FANCM: variants seen among roughly 807,000 people sequenced by gnomAD.
FANCM encodes FA complementation group M.
In FANCM, 140 loss-of-function variants were observed where a neutral mutation model predicts 199.5. That is an observed-to-expected ratio of 0.70 (90% confidence interval 0.61 to 0.81). The LOEUF is 0.81. Ranked by LOEUF, FANCM falls within the 30% of genes least tolerant of loss-of-function variation. The pLI is 0.00. For missense variants in FANCM, 2,410 were observed against 2,421.4 expected (o/e 1.00, Z 0.10); for synonymous variants, 840 against 836.8 (o/e 1.00, Z -0.07).
chr14:45,171,255 C>T (rs987359332), intron 12 of FANCM, among the ~76,000 whole-genome samples: 2 of 151,796 alleles, frequency 1.3e-5, no homozygotes, highest in Admixed American at 1.3e-4. Context: ...TATAAGTGTA[C>T]ACCACTGCAT....
chr14:45,164,624 GGTGAATATCAACAT>G (rs1187655550), intron 10 of FANCM, 59 bp downstream of exon 10: 27 of 1,277,294 alleles, frequency 2.1e-5, no homozygotes, highest in Middle Eastern at 2.5e-4. Context: ...ACAGCCCAAA[GGTGAATATCAACAT>G]GTTAGCATTC....
chr14:45,182,256 A>G (rs1889119743), intron 16 of FANCM, among the ~76,000 whole-genome samples: 1 of 152,220 alleles, frequency 6.6e-6, no homozygotes. Flanking sequence ...TGTTTACAGA[A>G]TAACAGCCTA....
intron 9 of FANCM, among the ~76,000 whole-genome samples, chr14:45,161,235 T>A (rs1056219676): frequency 1.3e-5 from 2 of 152,208 alleles, no homozygotes; most frequent in African/African-American, 4.8e-5. Flanking sequence ...AAGTAAAAAC[T>A]TTTTTTATTA....
intron 4 of FANCM, among the ~76,000 whole-genome samples, chr14:45,149,386 C>T (rs746182809): frequency 6.6e-6 from 1 of 152,074 alleles, no homozygotes. Flanking sequence ...AACATGAACA[C>T]GTACTGAGAT....
chr14:45,175,227 A>C lies in FANCM; in HGVS notation c.2473A>C (p.Ser825Arg), dbSNP rs547223696. The C allele has an allele frequency of 2.4e-5, 38 of 1,611,608 alleles. No individual in the cohort carries two copies. The Admixed American group carries it at 6.4e-4, about 27-fold the overall frequency. ...SSFIKNINQG[S>R]SSSVIESDEE... ...ATTTATAAAGAACATAAATCAAGGCAGTTCATCCTCAGTGATAGAATCTGA... is the reference window on the plus strand; with the variant it reads ...ATTTATAAAGAACATAAATCAAGGCCGTTCATCCTCAGTGATAGAATCTGA... Residue 825 changes from serine (S) to arginine (R), a missense_variant, in exon 14 of 23, where the codon AGT becomes CGT. By Grantham distance (110) the Ser-to-Arg change is moderately radical. Transcript: ENST00000267430.
At chr14:45,137,699 G>T (rs1273382626) in intron 2 of FANCM, 1 of 173,092 alleles carries the variant, frequency 5.8e-6, no homozygotes, top group Non-Finnish European at 1.3e-5. Flanking sequence ...AAAATAAGAT[G>T]AAGTAGTGGG....
intron 3 of FANCM, among the ~76,000 whole-genome samples, chr14:45,142,159 C>T (rs1886014701): frequency 6.6e-6 from 1 of 152,064 alleles, no homozygotes; most frequent in Non-Finnish European, 1.5e-5. Context: ...ATTAGCATTG[C>T]TATACCAGTA....
rs748765975 is a variant in FANCM at position 45,175,944 on chromosome 14, A to C, written c.3190A>C (p.Ser1064Arg). The stretch of plus-strand genomic sequence containing the variant: ...ATGTATAAATTATCCATCTGAAAAA[A>C]GTTGCCTTTATGATATACCTAATGA... The part of the protein sequence containing the change: ...LKCINYPSEK[S>R]CLYDIPNDNI... The change falls in exon 14 of 23, where the codon AGT becomes CGT. Residue 1064 changes from serine (S) to arginine (R), a missense_variant. Coordinates refer to ENST00000267430, the MANE Select transcript of FANCM (RefSeq NM_020937.4). The C allele has an allele frequency of 1.2e-6, 2 of 1,613,452 alleles. No individual in the cohort carries two copies. Among genetic ancestry groups the C allele is most frequent in the Non-Finnish European group, 8.5e-7 (1 of 1,179,546 alleles).
intron 3 of FANCM, among the ~76,000 whole-genome samples, chr14:45,146,832 CAA>C (rs762253487): frequency 0.013 from 551 of 42,094 alleles, 1 homozygote; most frequent in Middle Eastern, 0.022. Flanking sequence ...GACTCTGTCT[CAA>C]AAAAAAAAAA....
intron 2 of FANCM, 85 bp from the exon 3 acceptor site, chr14:45,140,547 G>A: frequency 2.6e-6 from 2 of 766,832 alleles, no homozygotes; most frequent in Admixed American, 1.8e-5. Flanking sequence ...TAATGATAAG[G>A]GACCATGTAT....
In FANCM at chr14:45,175,512, C is replaced by T. The variant is rs750238406; in HGVS notation, c.2758C>T (p.Pro920Ser). 1.4e-5 allele frequency: 23 copies of T among 1,612,562 alleles called. No individual in the cohort carries two copies. The highest frequency in any genetic ancestry group is 1.2e-4 in the Admixed American group (7 of 59,954). Reference protein sequence around the residue: ...CTINENVIKEPCVLLTECQFT... With the variant: ...CTINENVIKESCVLLTECQFT... ...TATTAATGAAAATGTTATTAAAGAA[C>T]CGTGTGTGTTATTAACAGAGTGTCA... The change falls in exon 14 of 23, where the codon CCG (proline) becomes TCG (serine). Residue 920 changes from proline to serine, a missense_variant. By Grantham distance (74) the Pro-to-Ser change is moderately conservative. Coordinates refer to ENST00000267430, the MANE Select transcript of FANCM (RefSeq NM_020937.4).
chr14:45,142,514 G>T (rs1413542241), intron 3 of FANCM, among the ~76,000 whole-genome samples: 10 of 151,764 alleles, frequency 6.6e-5, no homozygotes, highest in Admixed American at 6.6e-4. Context: ...CACTATGTTG[G>T]CCAGGCTGGT....
chr14:45,174,432 A>G (rs1214496330), intron 13 of FANCM, among the ~76,000 whole-genome samples: 2 of 151,888 alleles, frequency 1.3e-5, no homozygotes, highest in African/African-American at 4.8e-5. Context: ...GCTTAAGTCT[A>G]TAAGTAGTAG....
chr14:45,161,369 G>A (rs562921490), intron 9 of FANCM, among the ~76,000 whole-genome samples: 15 of 152,292 alleles, frequency 9.8e-5, no homozygotes, highest in African/African-American at 3.6e-4. Context: ...GGGGGGGCCA[G>A]ATCCTTTAGG....
Position 45,176,838 on chromosome 14 carries a change from G to T in FANCM, c.4084G>T (p.Asp1362Tyr). Residue 1362 changes from aspartate (D) to tyrosine (Y), a missense_variant, in exon 14 of 23, where the codon GAT (aspartate) becomes TAT (tyrosine). Asp to Tyr is a radical substitution (Grantham distance 160). Transcript: ENST00000267430. Reference sequence around the variant, plus strand: ...AAGAAAGGAAATACTTAAGACACCAGATTCTAGTAAGGAAAAAGTAAACCT... The same window carrying T: ...AAGAAAGGAAATACTTAAGACACCATATTCTAGTAAGGAAAAAGTAAACCT... ...KIRKEILKTP[D>Y]SSKEKVNLQR... 6.2e-7 allele frequency: 1 copy of T among 1,607,218 alleles called. No individual in the cohort carries two copies. The highest frequency in any genetic ancestry group is 8.5e-7 in the Non-Finnish European group (1 of 1,176,044).
chr14:45,177,095 G>A (rs1158475830), intron 14 of FANCM, 119 bp downstream of exon 14: 2 of 650,682 alleles, frequency 3.1e-6, no homozygotes, highest in Non-Finnish European at 5.4e-6. Flanking sequence ...TATTGAATTA[G>A]ATAATTGATG....
chr14:45,179,603 C>T (rs1201615133), intron 14 of FANCM, among the ~76,000 whole-genome samples: 3 of 149,320 alleles, frequency 2.0e-5, no homozygotes, highest in African/African-American at 7.4e-5. Context: ...ACTCTGTCAC[C>T]CAGGCTGGAG....
chr14:45,185,226 A>G lies in FANCM; in HGVS notation c.4525A>G (p.Arg1509Gly), dbSNP rs1260789761. ...AATTTGTCTTACTTAGCATGTAGCT[A>G]GGAAGTTTTTAGATGATGAAGCAGA... ...KRQSHLKHVA[R>G]KFLDDEAELS... The change falls in exon 18 of 23, where the codon AGG (arginine) becomes GGG (glycine). Residue 1509 changes from arginine to glycine, a missense_variant. By Grantham distance (125) the Arg-to-Gly change is moderately radical (BLOSUM62 -2). Coordinates refer to ENST00000267430, the MANE Select transcript of FANCM (RefSeq NM_020937.4). 1.9e-6 allele frequency: 3 copies of G among 1,594,514 alleles called. No homozygotes were observed. The highest frequency in any genetic ancestry group is 2.2e-5 in the East Asian group (1 of 44,612).
intron 20 of FANCM, among the ~76,000 whole-genome samples, chr14:45,192,233 A>G (rs938246291): frequency 6.6e-6 from 1 of 152,216 alleles, no homozygotes; most frequent in Non-Finnish European, 1.5e-5. Flanking sequence ...TGAAACAATT[A>G]CAGAGCTAAG....
Sources: allele counts gnomAD v4.1 joint callset (sites outside exome capture counted in the v4.1 genomes callset), GRCh38; gene constraint gnomAD v4.1.1; transcripts MANE v1.5; gene names NCBI Gene and HGNC (gene_info 2026-07-23, HGNC 2026-07-21).